ERG: variants seen among roughly 807,000 people sequenced by gnomAD.
ERG encodes the protein transcriptional regulator ERG.
ERG carries 9 observed loss-of-function variants against 55.3 expected under a neutral mutation model. The ratio of observed to expected loss-of-function variants is 0.16; its 90% CI spans 0.10 to 0.28. The LOEUF is 0.28. ERG is among the 10% of genes least tolerant of loss of function. The probability of loss-of-function intolerance (pLI) is 1.00; values close to 1 mark genes in which losing one functional copy is unlikely to be tolerated. For missense variants in ERG, 434 were observed against 631.6 expected (o/e 0.69, Z 3.35); for synonymous variants, 223 against 237.3 (o/e 0.94, Z 0.55).
At chr21:38,483,462 C>T (rs1002546681) in intron 1 of ERG, among the ~76,000 whole-genome samples, 1 of 152,198 alleles carries the variant, frequency 6.6e-6, no homozygotes, top group African/African-American at 2.4e-5. Flanking sequence ...GTTCAAACCA[C>T]TCTTTTGGAA....
chr21:38,427,010 A>C (rs1411684444), intron 2 of ERG, among the ~76,000 whole-genome samples: 2 of 151,986 alleles, frequency 1.3e-5, no homozygotes, highest in Non-Finnish European at 2.9e-5. Flanking sequence ...ATTTTCTTTT[A>C]GTTCTTTCTA....
At chr21:38,559,300 C>G (rs1218173320) in intron 2 of ERG, among the ~76,000 whole-genome samples, 1 of 151,662 alleles carries the variant, frequency 6.6e-6, no homozygotes, top group African/African-American at 2.4e-5. Flanking sequence ...TGCTGATGAC[C>G]CATTCTGAGG....
chr21:38,569,939 G>A (rs988741720), intron 2 of ERG, among the ~76,000 whole-genome samples: 7 of 152,066 alleles, frequency 4.6e-5, no homozygotes, highest in African/African-American at 1.7e-4. Context: ...ATTTTTCACT[G>A]CTGTATAGTA....
chr21:38,496,596 G>C (rs1470725500), intron 1 of ERG, among the ~76,000 whole-genome samples: 2 of 151,796 alleles, frequency 1.3e-5, no homozygotes, highest in African/African-American at 2.4e-5. Context: ...GGTTCACTTG[G>C]GTACATACAA....
chr21:38,531,428 C>T (rs1321138169), intron 2 of ERG, among the ~76,000 whole-genome samples: 2 of 152,012 alleles, frequency 1.3e-5, no homozygotes, highest in Non-Finnish European at 2.9e-5. Flanking sequence ...GTGTTTGAGC[C>T]CTCCTTCACA....
At chr21:38,599,301 C>A (rs2060150018) in intron 1 of ERG, among the ~76,000 whole-genome samples, 1 of 151,356 alleles carries the variant, frequency 6.6e-6, no homozygotes, top group Non-Finnish European at 1.5e-5. Flanking sequence ...GGAGGTGTAC[C>A]AGGGTGAAGC....
intron 2 of ERG, among the ~76,000 whole-genome samples, chr21:38,533,394 G>A (rs2059686368): frequency 6.6e-6 from 1 of 152,146 alleles, no homozygotes; most frequent in East Asian, 1.9e-4. Flanking sequence ...CTTTTTGGTG[G>A]ATCTTCCAAA....
chr21:38,599,034 C>A (rs1004109268), intron 1 of ERG, among the ~76,000 whole-genome samples: 2 of 152,106 alleles, frequency 1.3e-5, no homozygotes, highest in Non-Finnish European at 2.9e-5. Context: ...AGGGAAGCTT[C>A]AAAAAAACCA....
At chr21:38,454,360 T>A (rs1052642973) in intron 1 of ERG, among the ~76,000 whole-genome samples, 2 of 152,230 alleles carry the variant, frequency 1.3e-5, no homozygotes, top group East Asian at 3.9e-4. Flanking sequence ...CCTGGGTAAA[T>A]CCTTTAACCC....
chr21:38,613,695 G>A (rs1407576757), intron 1 of ERG, among the ~76,000 whole-genome samples: 1 of 152,202 alleles, frequency 6.6e-6, no homozygotes. Context: ...CTGCTGTCCG[G>A]GTAAGAGTGA....
chr21:38,434,780 CTG>C (rs1990375937), intron 2 of ERG, among the ~76,000 whole-genome samples: 1 of 152,172 alleles, frequency 6.6e-6, no homozygotes, highest in Non-Finnish European at 1.5e-5. Context: ...AGTCTGCAAA[CTG>C]TGAAGCACTA....
intron 1 of ERG, among the ~76,000 whole-genome samples, chr21:38,641,175 G>A (rs2060422495): frequency 6.6e-6 from 1 of 152,172 alleles, no homozygotes. Context: ...TAACCCTCAA[G>A]GTAATGGCAT....
At chr21:38,584,611 G>A (rs2060051086) in intron 1 of ERG, among the ~76,000 whole-genome samples, 1 of 152,312 alleles carries the variant, frequency 6.6e-6, no homozygotes, top group African/African-American at 2.4e-5. Flanking sequence ...CCACACTGTA[G>A]GGCCAGGAAC....
chr21:38,640,161 T>C (rs918681153), intron 1 of ERG, among the ~76,000 whole-genome samples: 1 of 152,164 alleles, frequency 6.6e-6, no homozygotes, highest in African/African-American at 2.4e-5. Context: ...TGAAAATCAT[T>C]GAAAATCAAT....
intron 1 of ERG, chr21:38,660,613 G>A (rs2060547600): frequency 6.6e-6 from 1 of 151,944 alleles, no homozygotes; most frequent in African/African-American, 2.4e-5. Context: ...CGCGTGCCTT[G>A]GCCGTGCGCG....
intron 2 of ERG, among the ~76,000 whole-genome samples, chr21:38,424,187 G>GCTCGCTCTCTCTCTCT (rs1989704853): frequency 1.8e-5 from 2 of 110,078 alleles, no homozygotes; most frequent in African/African-American, 6.4e-5. Flanking sequence ...CAGAGCTCGA[G>GCTCGCTCTCTCTCTCT]CTCTCTCTCT....
chr21:38,555,490 C>T (rs1321919182), intron 2 of ERG, among the ~76,000 whole-genome samples: 1 of 151,766 alleles, frequency 6.6e-6, no homozygotes, highest in Non-Finnish European at 1.5e-5. Context: ...ATATGAAACA[C>T]ATTTGACAGA....
chr21:38,568,696 G>A (rs769901749), intron 2 of ERG, among the ~76,000 whole-genome samples: 2 of 152,094 alleles, frequency 1.3e-5, no homozygotes, highest in Non-Finnish European at 2.9e-5. Context: ...AAAATCTTAC[G>A]GAGCAGTATC....
At chr21:38,392,255 G>T in intron 7 of ERG, 121 bp downstream of exon 7, 1 of 844,326 alleles carries the variant, frequency 1.2e-6, no homozygotes, top group South Asian at 1.4e-5. Context: ...TGTCGTCAAT[G>T]GAACAAACCC....
Sources: gnomAD v4.1 joint callset for allele counts (sites outside exome capture counted in the v4.1 genomes callset) on GRCh38, gnomAD v4.1.1 for gene constraint, MANE v1.5 for transcripts, NCBI Gene and HGNC (gene_info 2026-07-23, HGNC 2026-07-21) for gene names.